MACROD2: variants seen among roughly 807,000 people sequenced by gnomAD.
MACROD2 encodes mono-ADP ribosylhydrolase 2, also known as ADP-ribose glycohydrolase MACROD2.
Under a neutral mutation model 70.4 loss-of-function variants are expected in MACROD2, and 36 were observed. The observed-to-expected ratio is 0.51, with a 90% confidence interval of 0.39 to 0.68. MACROD2 has a LOEUF of 0.68. Among genes scored for constraint, MACROD2 ranks in the 30% least tolerant of loss-of-function variants. MACROD2 has a pLI of 0.00. For synonymous variants in MACROD2, 172 were observed against 178.8 expected (o/e 0.96, Z 0.30); for missense variants, 496 against 538.4 (o/e 0.92, Z 0.78).
At chr20:14,867,039 C>T (rs1277385013) in intron 5 of MACROD2, among the ~76,000 whole-genome samples, 2 of 152,064 alleles carry the variant, frequency 1.3e-5, no homozygotes, top group African/African-American at 2.4e-5. Context: ...GTCAATGTTA[C>T]GTAACTGAGA....
intron 6 of MACROD2, among the ~76,000 whole-genome samples, chr20:15,360,322 G>A (rs537249786): frequency 2.0e-5 from 3 of 152,182 alleles, no homozygotes; most frequent in East Asian, 1.9e-4. Context: ...GAACATTTAT[G>A]TGCAGGTTTT....
At chr20:15,929,445 T>TAC (rs750696520) in intron 10 of MACROD2, among the ~76,000 whole-genome samples, 7 of 151,826 alleles carry the variant, frequency 4.6e-5, no homozygotes, top group Admixed American at 2.0e-4. Context: ...TATATATATA[T>TAC]ACACATATAC....
At chr20:15,365,718 T>TA (rs1352046545) in intron 6 of MACROD2, among the ~76,000 whole-genome samples, 2 of 152,080 alleles carry the variant, frequency 1.3e-5, no homozygotes, top group Non-Finnish European at 2.9e-5. Context: ...TCACTAATCT[T>TA]ATGCTAATTT....
intron 12 of MACROD2, among the ~76,000 whole-genome samples, chr20:15,942,060 A>G (rs1351227540): frequency 6.6e-6 from 1 of 152,226 alleles, no homozygotes; most frequent in Non-Finnish European, 1.5e-5. Context: ...GAAGAATTTC[A>G]AAAGGAAGTA....
intron 6 of MACROD2, among the ~76,000 whole-genome samples, chr20:15,270,536 A>G (rs2077337033): frequency 6.6e-6 from 1 of 152,196 alleles, no homozygotes; most frequent in Admixed American, 6.5e-5. Flanking sequence ...TGGTGGTTAC[A>G]TGAACCTATT....
In MACROD2 at chr20:14,174,331, C is replaced by T. The variant is rs369057672; in HGVS notation, c.271+88603C>T. 6.5e-4 allele frequency among the ~76,000 whole-genome samples: 99 copies of T among 152,118 alleles called. 2 individuals are homozygous for T. The highest frequency in any genetic ancestry group is 1.8e-3 in the African/African-American group (76 of 41,498). On this transcript the variant is annotated intron_variant, in intron 3 of 17. Transcript: ENST00000684519. ...TGTCTGATCTCAGACTCTTCTTGGGCGGGTCTTGCTGTGGCTGCTGTGGGG... is the reference window on the plus strand; with the variant it reads ...TGTCTGATCTCAGACTCTTCTTGGGTGGGTCTTGCTGTGGCTGCTGTGGGG...
chr20:15,865,356 T>G (rs201399747), intron 9 of MACROD2, among the ~76,000 whole-genome samples: 35 of 140,746 alleles, frequency 2.5e-4, no homozygotes, highest in Admixed American at 5.0e-4. Flanking sequence ...TAATAATGAT[T>G]AATAATAATC....
In MACROD2 at chr20:14,390,423, G is replaced by A. The variant is rs533571050; in HGVS notation, c.272-103056G>A. Among the ~76,000 whole-genome samples the A allele has an allele frequency of 2.9e-3, 449 of 152,204 alleles. 1 individual carries two copies. Among genetic ancestry groups the A allele is most frequent in the African/African-American group, 0.01 (426 of 41,542 alleles). On this transcript the variant is annotated intron_variant, in intron 3 of 17. Coordinates refer to ENST00000684519, the MANE Select transcript of MACROD2 (RefSeq NM_001351661.2). ...AAAATTTATTTGAAACCAAAAAAGA[G>A]CCAGATAGCAAAGGCAATCCTAAGC...
rs1480725997 is a variant in MACROD2, at chr20:14,610,066, G to C, written c.302-74777G>C. On this transcript the variant is annotated intron_variant, in intron 4 of 17. Coordinates refer to ENST00000684519, the MANE Select transcript of MACROD2 (RefSeq NM_001351661.2). Reference sequence around the variant, plus strand: ...AATAAGCAGACATGTTCTGTAACCAGATCCAAATGTTCTGGTCCCTGCTTT... The same window carrying C: ...AATAAGCAGACATGTTCTGTAACCACATCCAAATGTTCTGGTCCCTGCTTT... Among the ~76,000 whole-genome samples the C allele has an allele frequency of 1.3e-5, 2 of 152,044 alleles. 1 individual carries two copies. The highest frequency in any genetic ancestry group is 2.9e-5 in the Non-Finnish European group (2 of 67,996).
intron 6 of MACROD2, among the ~76,000 whole-genome samples, chr20:15,389,089 A>C (rs2045757799): frequency 6.6e-6 from 1 of 152,182 alleles, no homozygotes; most frequent in Non-Finnish European, 1.5e-5. Flanking sequence ...GATACTAGCC[A>C]GATTTGGGTG....
chr20:14,060,619 G>A (rs999214119), intron 2 of MACROD2, among the ~76,000 whole-genome samples: 1 of 152,030 alleles, frequency 6.6e-6, no homozygotes, highest in Non-Finnish European at 1.5e-5. Context: ...GGGGAGATTC[G>A]TAATCTTCTT....
At chr20:14,272,595 AAAATAACCAGCT>A (rs2082206478) in intron 3 of MACROD2, among the ~76,000 whole-genome samples, 1 of 152,124 alleles carries the variant, frequency 6.6e-6, no homozygotes, top group African/African-American at 2.4e-5. Flanking sequence ...ACTAATGAGC[AAAATAACCAGCT>A]AACATCATAA....
intron 6 of MACROD2, among the ~76,000 whole-genome samples, chr20:15,251,560 C>G (rs2077156344): frequency 6.6e-6 from 1 of 152,210 alleles, no homozygotes; most frequent in African/African-American, 2.4e-5. Flanking sequence ...TCAGAGAATA[C>G]TCATTCATTG....
chr20:15,781,507 T>A (rs6043542), intron 8 of MACROD2, among the ~76,000 whole-genome samples: 2 of 152,088 alleles, frequency 1.3e-5, no homozygotes, highest in African/African-American at 4.8e-5. Context: ...GCTCAGTTTC[T>A]GATGAGGGCT....
chr20:15,544,892 G>T (rs1163922005), intron 8 of MACROD2, among the ~76,000 whole-genome samples: 2 of 152,174 alleles, frequency 1.3e-5, no homozygotes, highest in East Asian at 3.9e-4. Flanking sequence ...ACTGAGCAGC[G>T]GTGGGGTCAC....
rs369052960 is a variant in MACROD2 at position 14,080,438 on chromosome 20, G to A, written c.164-5183G>A. Among the ~76,000 whole-genome samples the A allele has an allele frequency of 3.4e-3, 89 of 26,034 alleles. 1 individual carries two copies. Among genetic ancestry groups the A allele is most frequent in the African/African-American group, 0.012 (81 of 6,674 alleles). The allele number at this position is 26,034 out of a possible 152,430, so 17.1% of individuals were successfully genotyped here. On this transcript the variant is annotated intron_variant, in intron 2 of 17. Transcript: ENST00000684519. ...AGCCTGGGCAACAGAGTGAAACCCC[G>A]TCTCAAAAAAAAAAAAAAAAAAAAA...
At chr20:14,538,568 G>A (rs1475854445) in intron 4 of MACROD2, among the ~76,000 whole-genome samples, 1 of 152,108 alleles carries the variant, frequency 6.6e-6, no homozygotes, top group African/African-American at 2.4e-5. Flanking sequence ...CTGTCTTCTA[G>A]TCTTCACCTC....
chr20:14,989,886 C>T (rs1394743898), intron 5 of MACROD2, among the ~76,000 whole-genome samples: 1 of 152,024 alleles, frequency 6.6e-6, no homozygotes, highest in African/African-American at 2.4e-5. Context: ...AAACTGCTGC[C>T]TGGAATTTTC....
chr20:14,851,678 C>T (rs13040965), intron 5 of MACROD2, among the ~76,000 whole-genome samples: 4 of 152,038 alleles, frequency 2.6e-5, no homozygotes, highest in Non-Finnish European at 4.4e-5. Flanking sequence ...AAGATGTACA[C>T]GGATCTAGGA....
Sources: gnomAD v4.1 joint callset for allele counts (sites outside exome capture counted in the v4.1 genomes callset) on GRCh38, gnomAD v4.1.1 for gene constraint, MANE v1.5 for transcripts, NCBI Gene and HGNC (gene_info 2026-07-23, HGNC 2026-07-21) for gene names.